Variants in ARHGAP11B observed in about 807,000 individuals in gnomAD.
ARHGAP11B encodes inactive Rho GTPase-activating protein 11B.
A neutral mutation model predicts 27.6 loss-of-function variants in ARHGAP11B; 14 were observed. The observed-to-expected ratio is 0.51, with a 90% confidence interval of 0.34 to 0.79. The LOEUF (loss-of-function observed/expected upper bound fraction) is 0.79. Among genes scored for constraint, ARHGAP11B ranks in the 30% least tolerant of loss-of-function variants. The pLI, the probability that ARHGAP11B is intolerant of heterozygous loss-of-function variation, is 0.02. For missense variants in ARHGAP11B, 245 were observed against 320.1 expected, an observed-to-expected ratio of 0.77 and a Z score of 1.79; for synonymous variants, 82 against 114.1, an observed-to-expected ratio of 0.72 and a Z score of 1.80.
intron 7 of ARHGAP11B, among the ~76,000 whole-genome samples, chr15:30,641,216 C>A (rs1254095400): frequency 6.6e-6 from 1 of 151,924 alleles, no homozygotes; most frequent in Non-Finnish European, 1.5e-5. Context: ...TCAACAAATT[C>A]CATTTGCAAA....
chr15:30,634,834 A>G (rs1041141427), intron 4 of ARHGAP11B, among the ~76,000 whole-genome samples: 2 of 151,226 alleles, frequency 1.3e-5, no homozygotes, highest in African/African-American at 4.9e-5. Context: ...AAGATGTTCA[A>G]TTTGTGTGGA....
At chr15:30,633,500 G>T in exon 3 of ARHGAP11B, 1 of 1,609,596 alleles carries the variant, frequency 6.2e-7, no homozygotes, top group Non-Finnish European at 8.5e-7. Context: ...CTTTCTTGTC[G>T]ATGCTTGCAC....
Position 30,626,170 on chromosome 15 carries a change from G to T in ARHGAP11B, c.-651G>T, listed in dbSNP as rs1224861031. The T allele has an allele frequency of 3.3e-5, 5 of 153,118 alleles. No individual in the cohort carries two copies. Among genetic ancestry groups the T allele is most frequent in the African/African-American group, 1.2e-4 (5 of 41,458 alleles). 9.5% of individuals were successfully genotyped at this position (153,118 alleles called of 1,614,324 possible). On this transcript the variant is annotated 5_prime_UTR_variant, in exon 1 of 11. An upstream start codon of the reference 5' UTR is lost. Coordinates refer to ENST00000428041, the Ensembl canonical transcript of ARHGAP11B. ...GCAGTGGAGCTGGGGGCGGAAGCAT[G>T]AGGCTAACGGCTTGGCTTCAGTGAA...
rs1347149630 is a variant in ARHGAP11B at position 30,644,683 on chromosome 15, G to T, written c.*123G>T. 23 of 1,583,408 alleles carry T rather than the reference G, an allele frequency of 1.5e-5. No individual in the cohort carries two copies. The East Asian group carries it at 2.5e-4, about 17-fold the overall frequency. ...CGGTTAAATTTGATCCAAAAATATT[G>T]CATCTACCAGCATTTTCAGGTAGGA... On this transcript the variant is annotated 3_prime_UTR_variant, in exon 8 of 11. Coordinates refer to ENST00000428041, the Ensembl canonical transcript of ARHGAP11B.
At chr15:30,647,780 C>G (rs998238600) in intron 10 of ARHGAP11B, 1 of 178,012 alleles carries the variant, frequency 5.6e-6, no homozygotes, top group African/African-American at 2.4e-5. Flanking sequence ...AGCATACATA[C>G]TTATCAAAAG....
exon 11 of ARHGAP11B, chr15:30,648,841 A>C (rs2060368489): frequency 6.6e-6 from 1 of 152,058 alleles, no homozygotes; most frequent in South Asian, 2.1e-4. Flanking sequence ...AATGCTTAAT[A>C]ATAAGGGTAA....
At chr15:30,630,889 G>A in intron 2 of ARHGAP11B, 116 bp downstream of exon 2, 1 of 1,562,104 alleles carries the variant, frequency 6.4e-7, no homozygotes, top group Non-Finnish European at 8.7e-7. Context: ...AGACCAGCCT[G>A]GGCAACATGG....
chr15:30,626,649 G>A (rs1173356425), exon 1 of ARHGAP11B: 1 of 859,812 alleles, frequency 1.2e-6, no homozygotes, highest in African/African-American at 1.7e-5. Flanking sequence ...TGTGAGTGAG[G>A]ATCAAGGAAA....
intron 3 of ARHGAP11B, 63 bp from the exon 4 acceptor site, chr15:30,634,107 A>T: frequency 3.7e-6 from 6 of 1,602,884 alleles, no homozygotes; most frequent in Non-Finnish European, 5.1e-6. Flanking sequence ...ATAACAAAAG[A>T]TTCTTTATTT....
intron 7 of ARHGAP11B, among the ~76,000 whole-genome samples, chr15:30,643,692 T>A (rs1465630899): frequency 2.6e-5 from 4 of 152,188 alleles, no homozygotes; most frequent in Admixed American, 2.6e-4. Context: ...TGTCTAAGGG[T>A]TTCTCATGAT....
At chr15:30,646,644 C>T (rs538094175) in intron 9 of ARHGAP11B, among the ~76,000 whole-genome samples, 5 of 145,008 alleles carry the variant, frequency 3.4e-5, no homozygotes, top group Non-Finnish European at 7.5e-5. Flanking sequence ...GCCTGGGCGA[C>T]AGCGAGACTC....
chr15:30,645,098 C>T (rs962574867), intron 8 of ARHGAP11B, among the ~76,000 whole-genome samples: 11 of 151,670 alleles, frequency 7.3e-5, no homozygotes, highest in South Asian at 2.1e-4. Flanking sequence ...CATTTGAGAA[C>T]GGGACTAGGT....
At chr15:30,643,737 G>A (rs2060328553) in intron 7 of ARHGAP11B, among the ~76,000 whole-genome samples, 1 of 152,074 alleles carries the variant, frequency 6.6e-6, no homozygotes, top group Non-Finnish European at 1.5e-5. Flanking sequence ...TATGAGATTA[G>A]AATGGGAATA....
At chr15:30,646,956 C>T (rs1178182952) in intron 9 of ARHGAP11B, among the ~76,000 whole-genome samples, 2 of 151,858 alleles carry the variant, frequency 1.3e-5, no homozygotes, top group African/African-American at 2.4e-5. Flanking sequence ...GCAAAAAGAG[C>T]GAAACTCCAT....
In ARHGAP11B at chr15:30,647,820, T is replaced by G. The variant is rs181967085; in HGVS notation, c.*371+106T>G. 2.0e-3 allele frequency: 334 copies of G among 167,722 alleles called. 1 individual carries two copies. Among genetic ancestry groups the G allele is most frequent in the Non-Finnish European group, 3.7e-3 (255 of 68,678 alleles). The allele number at this position is 167,722 out of a possible 1,614,324, so 10.4% of individuals were successfully genotyped here. On this transcript the variant is annotated intron_variant, in intron 10 of 10. Transcript: ENST00000428041. The stretch of plus-strand genomic sequence containing the variant: ...GTCCTAAATAATTATCATAAATTTT[T>G]CTGACATAATGATGACTCTACTCAT...
At chr15:30,627,198 T>C (rs1188034523) in intron 1 of ARHGAP11B, among the ~76,000 whole-genome samples, 3 of 151,956 alleles carry the variant, frequency 2.0e-5, no homozygotes, top group Non-Finnish European at 4.4e-5. Flanking sequence ...CATTTTGGAT[T>C]AGATAATTTT....
At chr15:30,630,674 T>G in intron 1 of ARHGAP11B, 29 bp from the exon 2 acceptor site, 1 of 1,563,332 alleles carries the variant, frequency 6.4e-7, no homozygotes, top group Non-Finnish European at 8.7e-7. Context: ...CTAATATTTG[T>G]GTTAGAGTAA....
exon 1 of ARHGAP11B, chr15:30,626,451 G>A (rs2060207061): frequency 8.0e-6 from 2 of 248,472 alleles, no homozygotes; most frequent in South Asian, 7.6e-5. Context: ...TTTGGAGGAA[G>A]GGGGATCGTT....
chr15:30,641,346 T>TC (rs59445156), intron 7 of ARHGAP11B, among the ~76,000 whole-genome samples: 4 of 151,584 alleles, frequency 2.6e-5, no homozygotes, highest in Admixed American at 6.6e-5. Flanking sequence ...CTCTTTTTTT[T>TC]TTTTTTGAGA....
Sources: allele counts gnomAD v4.1 joint callset (sites outside exome capture counted in the v4.1 genomes callset), GRCh38; gene constraint gnomAD v4.1.1; transcripts MANE v1.5; gene names NCBI Gene and HGNC (gene_info 2026-07-23, HGNC 2026-07-21).